RGS6: variants seen among roughly 807,000 people sequenced by gnomAD.
The protein encoded by RGS6 is regulator of G protein signaling 6, also known as regulator of G-protein signaling 6.
RGS6 carries 30 observed loss-of-function variants against 78.5 expected under a neutral mutation model. The observed-to-expected ratio is 0.38, with a 90% CI of 0.29 to 0.52. The LOEUF is 0.52. Ranked by LOEUF, RGS6 falls within the 20% of genes least tolerant of loss-of-function variation. The pLI, the probability that RGS6 is intolerant of heterozygous loss-of-function variation, is 0.85. For missense variants in RGS6, 495 were observed against 609.7 expected (o/e 0.81, Z 1.98); for synonymous variants, 206 against 206.0 (o/e 1.00, Z 0.00).
intron 2 of RGS6, among the ~76,000 whole-genome samples, chr14:72,133,897 C>A (rs1450839885): frequency 6.6e-6 from 1 of 152,050 alleles, no homozygotes. Context: ...AGTCTTTCAC[C>A]CTTACCAGTA....
the RGS6 span, among the ~76,000 whole-genome samples, chr14:72,601,891 A>C: frequency 6.6e-6 from 1 of 152,188 alleles, no homozygotes; most frequent in Non-Finnish European, 1.5e-5. Flanking sequence ...AAACCTTCCT[A>C]GCTTTCTCTC....
At chr14:72,139,778 C>G (rs896200778) in intron 2 of RGS6, among the ~76,000 whole-genome samples, 1 of 151,418 alleles carries the variant, frequency 6.6e-6, no homozygotes, top group African/African-American at 2.4e-5. Context: ...TATTAGAACC[C>G]AGAACACTTA....
chr14:72,008,635 T>C (rs549135203), intron 2 of RGS6, among the ~76,000 whole-genome samples: 1 of 152,250 alleles, frequency 6.6e-6, no homozygotes, highest in South Asian at 2.1e-4. Context: ...AATCCCGTGC[T>C]TTCCTGGATC....
At chr14:72,604,799 GA>G in the RGS6 span, among the ~76,000 whole-genome samples, 1 of 152,210 alleles carries the variant, frequency 6.6e-6, no homozygotes, top group Non-Finnish European at 1.5e-5. Context: ...CCCTGGCGGG[GA>G]TGGCATTATT....
chr14:72,062,934 G>A (rs190794783), intron 2 of RGS6, among the ~76,000 whole-genome samples: 55 of 152,186 alleles, frequency 3.6e-4, no homozygotes, highest in African/African-American at 6.7e-4. Context: ...TCAAGCATTC[G>A]TGCCTCAGCC....
chr14:72,459,077 C>A (rs1322609385), intron 5 of RGS6, among the ~76,000 whole-genome samples: 1 of 152,204 alleles, frequency 6.6e-6, no homozygotes, highest in Non-Finnish European at 1.5e-5. Context: ...CAGCCTTCAT[C>A]TGAACCTAAG....
chr14:71,872,291 A>G, the RGS6 span, among the ~76,000 whole-genome samples: 1 of 151,820 alleles, frequency 6.6e-6, no homozygotes, highest in African/African-American at 2.4e-5. Context: ...TGCTGCTGAC[A>G]CTCCTACCCT....
At chr14:72,547,442 CT>C in intron 17 of RGS6, 2 of 925,164 alleles carry the variant, frequency 2.2e-6, no homozygotes, top group Middle Eastern at 2.3e-4. Flanking sequence ...ATGCTTCCCC[CT>C]TTTAAAATAG....
At chr14:72,049,630 G>A (rs2093098986) in intron 2 of RGS6, among the ~76,000 whole-genome samples, 1 of 152,144 alleles carries the variant, frequency 6.6e-6, no homozygotes, top group African/African-American at 2.4e-5. Context: ...CACACAGAGT[G>A]GCTGGCTACT....
Position 72,129,268 on chromosome 14 carries a change from A to T in RGS6, c.84+164393A>T, listed in dbSNP as rs142525124. Reference sequence around the variant, plus strand: ...AAGAAGGAAACAAGTGAATGAGATAATTCGGCTGAGAGCTCCCGGAAAGCA... The same window carrying T: ...AAGAAGGAAACAAGTGAATGAGATATTTCGGCTGAGAGCTCCCGGAAAGCA... On this transcript the variant is annotated intron_variant, in intron 2 of 17. Transcript: ENST00000553525. Among the ~76,000 whole-genome samples, 1,054 of 152,346 alleles carry T rather than the reference A, an allele frequency of 6.9e-3. 36 individuals are homozygous for T. The highest frequency in any genetic ancestry group is 0.06 in the Admixed American group (921 of 15,292).
At chr14:72,302,067 T>C (rs936328705) in intron 2 of RGS6, among the ~76,000 whole-genome samples, 17 of 152,236 alleles carry the variant, frequency 1.1e-4, no homozygotes, top group African/African-American at 4.1e-4. Flanking sequence ...CAGTTTGTTC[T>C]AAGCATCTGT....
chr14:72,276,026 A>G (rs1170478845), intron 2 of RGS6, among the ~76,000 whole-genome samples: 2 of 152,184 alleles, frequency 1.3e-5, no homozygotes, highest in Non-Finnish European at 2.9e-5. Flanking sequence ...GGAGGCACTT[A>G]AGAGCTTTTT....
the RGS6 span, among the ~76,000 whole-genome samples, chr14:71,910,783 G>A: frequency 6.6e-6 from 1 of 152,146 alleles, no homozygotes; most frequent in African/African-American, 2.4e-5. Context: ...TCCAGCTTGG[G>A]TGATGGGGTA....
chr14:72,566,610 A>C, downstream of RGS6: 1 of 134,978 alleles, frequency 7.4e-6, no homozygotes, highest in Admixed American at 7.6e-5. Context: ...CCCTCCCCAC[A>C]CTCCACCCTT....
intron 2 of RGS6, among the ~76,000 whole-genome samples, chr14:72,333,253 A>G (rs191789909): frequency 1.6e-3 from 245 of 152,314 alleles, no homozygotes; most frequent in African/African-American, 5.6e-3. Context: ...GAATATCATG[A>G]TATCAAGTCA....
upstream of RGS6, among the ~76,000 whole-genome samples, chr14:71,930,718 C>T (rs940690837): frequency 2.0e-5 from 3 of 151,920 alleles, no homozygotes; most frequent in African/African-American, 7.3e-5. Flanking sequence ...TGTGGTGGCT[C>T]AAGTCTGTAA....
chr14:72,294,981 T>C (rs1219849201), intron 2 of RGS6, among the ~76,000 whole-genome samples: 2 of 152,190 alleles, frequency 1.3e-5, no homozygotes, highest in East Asian at 1.9e-4. Context: ...TGCTTTTGCA[T>C]GCATTTTAAC....
intron 2 of RGS6, among the ~76,000 whole-genome samples, chr14:72,241,300 A>C (rs1053755307): frequency 3.3e-5 from 5 of 152,238 alleles, no homozygotes; most frequent in African/African-American, 1.2e-4. Flanking sequence ...GTCCATGTGC[A>C]TATTAACAAC....
At chr14:72,037,566 A>T (rs556939331) in intron 2 of RGS6, among the ~76,000 whole-genome samples, 1 of 152,186 alleles carries the variant, frequency 6.6e-6, no homozygotes, top group Non-Finnish European at 1.5e-5. Context: ...CTCCAGACAC[A>T]GTATGAGATT....
Sources: allele counts gnomAD v4.1 joint callset (sites outside exome capture counted in the v4.1 genomes callset), GRCh38; gene constraint gnomAD v4.1.1; transcripts MANE v1.5; gene names NCBI Gene and HGNC (gene_info 2026-07-23, HGNC 2026-07-21).